Variants in RGS5 observed in about 807,000 individuals in gnomAD.
The protein encoded by RGS5 is regulator of G protein signaling 5.
Under a neutral mutation model 18.9 loss-of-function variants are expected in RGS5, and 20 were observed. That is an observed-to-expected ratio of 1.06 (90% CI 0.74 to 1.54). The LOEUF is 1.54. Ranked by LOEUF, RGS5 falls within the 40% of genes most tolerant of loss-of-function variation. The pLI is 0.00. For synonymous variants in RGS5, 57 were observed against 76.2 expected (o/e 0.75, Z 1.31); for missense variants, 201 against 211.8 (o/e 0.95, Z 0.32).
At chr1:163,301,279 G>T (rs546459168) in intron 2 of RGS5, among the ~76,000 whole-genome samples, 1 of 151,980 alleles carries the variant, frequency 6.6e-6, no homozygotes, top group East Asian at 1.9e-4. Context: ...AACTGAGATA[G>T]AGGAAAAAAT....
chr1:163,210,403 A>C (rs1571294361), intron 1 of RGS5, among the ~76,000 whole-genome samples: 1 of 152,214 alleles, frequency 6.6e-6, no homozygotes, highest in Non-Finnish European at 1.5e-5. Flanking sequence ...ATTCTTTTCA[A>C]TAACTGTTCT....
Position 163,272,993 on chromosome 1 carries a change from G to GT in RGS5, c.-281+33239dup, listed in dbSNP as rs1296906046. ...TGATTTCTTTTTTGAATCATGAGGG[G>GT]TTTTTTTCATAAGTATGTCATTTGA... On this transcript the variant is annotated intron_variant, in intron 2 of 5. Transcript: ENST00000618415. Among the ~76,000 whole-genome samples the GT allele has an allele frequency of 3.3e-5, 5 of 151,788 alleles. No individual in the cohort carries two copies. The South Asian group carries it at 8.3e-4, about 25-fold the overall frequency.
At chr1:163,159,309 G>A (rs909845749) in intron 3 of RGS5, among the ~76,000 whole-genome samples, 2 of 152,218 alleles carry the variant, frequency 1.3e-5, no homozygotes, top group Non-Finnish European at 2.9e-5. Flanking sequence ...AAAGGGTATT[G>A]ATTGGGGAAG....
At chr1:163,158,474 G>C (rs1199952428) in intron 3 of RGS5, among the ~76,000 whole-genome samples, 1 of 152,106 alleles carries the variant, frequency 6.6e-6, no homozygotes, top group Admixed American at 6.6e-5. Flanking sequence ...AGTGTCAGCT[G>C]GTCTGAGAAA....
At chr1:163,287,478 A>T (rs1452429107) in intron 2 of RGS5, among the ~76,000 whole-genome samples, 2 of 152,240 alleles carry the variant, frequency 1.3e-5, no homozygotes, top group Non-Finnish European at 2.9e-5. Flanking sequence ...AAGTAAATTT[A>T]TACACTGGCA....
chr1:163,295,130 C>T (rs920666098), intron 2 of RGS5, among the ~76,000 whole-genome samples: 48 of 152,166 alleles, frequency 3.2e-4, no homozygotes, highest in African/African-American at 1.1e-3. Context: ...CTCCAAACTC[C>T]TCCAATCTCT....
At chr1:163,176,365 T>C (rs993620447) in intron 1 of RGS5, among the ~76,000 whole-genome samples, 1 of 152,210 alleles carries the variant, frequency 6.6e-6, no homozygotes, top group Non-Finnish European at 1.5e-5. Flanking sequence ...CCCACGCCTG[T>C]AATCCCATCA....
At chr1:163,316,969 C>A (rs773157914) in intron 1 of RGS5, among the ~76,000 whole-genome samples, 14 of 152,126 alleles carry the variant, frequency 9.2e-5, no homozygotes, top group Non-Finnish European at 1.2e-4. Flanking sequence ...TAAGAACCAG[C>A]CCTGTATAAT....
chr1:163,312,473 G>C (rs1245900965), intron 1 of RGS5, among the ~76,000 whole-genome samples: 1 of 152,198 alleles, frequency 6.6e-6, no homozygotes, highest in Non-Finnish European at 1.5e-5. Context: ...AGAAGTGGTA[G>C]CTGAACTAAA....
chr1:163,294,671 C>T (rs1228811907), intron 2 of RGS5, among the ~76,000 whole-genome samples: 1 of 152,220 alleles, frequency 6.6e-6, no homozygotes, highest in Non-Finnish European at 1.5e-5. Flanking sequence ...TGAATTTCTC[C>T]CCAGAAAATG....
intron 2 of RGS5, chr1:163,162,861 A>T (rs991427510): frequency 6.6e-6 from 1 of 152,074 alleles, no homozygotes; most frequent in Admixed American, 6.6e-5. Context: ...CCCAGCTCGA[A>T]CTCTTGCATT....
intron 2 of RGS5, among the ~76,000 whole-genome samples, chr1:163,282,561 T>A (rs1246633556): frequency 6.6e-6 from 1 of 151,984 alleles, no homozygotes; most frequent in African/African-American, 2.4e-5. Context: ...TTTTTAAAAA[T>A]TAGCCAGGCA....
At chr1:163,202,708 T>C (rs959660571) in intron 1 of RGS5, 84 bp downstream of exon 1, 3 of 1,232,172 alleles carry the variant, frequency 2.4e-6, no homozygotes, top group Admixed American at 1.8e-5. Flanking sequence ...TAAACTACAA[T>C]ACCTCTGTTA....
intron 2 of RGS5, among the ~76,000 whole-genome samples, chr1:163,245,912 C>G (rs760943087): frequency 3.5e-4 from 54 of 152,300 alleles, no homozygotes; most frequent in Admixed American, 5.9e-4. Context: ...AAACAAGCAG[C>G]CATTTGTGAG....
Position 163,261,951 on chromosome 1 carries a change from G to T in RGS5, c.-281+44282C>A, listed in dbSNP as rs1033360495. 2.6e-5 allele frequency among the ~76,000 whole-genome samples: 4 copies of T among 151,936 alleles called. No homozygotes were observed. In the East Asian group the frequency reaches 7.7e-4, roughly 29 times the overall value. On this transcript the variant is annotated intron_variant, in intron 2 of 5. Coordinates refer to the RGS5 transcript ENST00000618415. The stretch of plus-strand genomic sequence containing the variant: ...CCCTCCTCAAGGTGGGATGATCTAG[G>T]CCTGTGTAACAAATTGGCATCTAGG...
intron 2 of RGS5, among the ~76,000 whole-genome samples, chr1:163,163,041 G>GC (rs202108099): frequency 0.019 from 544 of 28,862 alleles, 5 homozygotes; most frequent in African/African-American, 0.034. Context: ...TGATATTTCG[G>GC]GGGGGGGGGT....
chr1:163,240,271 A>C (rs1167233444), intron 2 of RGS5, among the ~76,000 whole-genome samples: 1 of 152,160 alleles, frequency 6.6e-6, no homozygotes, highest in African/African-American at 2.4e-5. Flanking sequence ...AATATTAACT[A>C]ATCAGCAGTT....
intron 2 of RGS5, among the ~76,000 whole-genome samples, chr1:163,251,242 A>G (rs1648100596): frequency 6.6e-6 from 1 of 152,166 alleles, no homozygotes; most frequent in Non-Finnish European, 1.5e-5. Context: ...TGTGAAGAAT[A>G]TTGGTTTCTC....
intron 2 of RGS5, among the ~76,000 whole-genome samples, chr1:163,245,706 A>T (rs540313718): frequency 6.6e-6 from 1 of 152,362 alleles, no homozygotes; most frequent in South Asian, 2.1e-4. Flanking sequence ...TAAAATGGGT[A>T]TAATAATACC....
Sources: allele counts gnomAD v4.1 joint callset (sites outside exome capture counted in the v4.1 genomes callset), GRCh38; gene constraint gnomAD v4.1.1; transcripts MANE v1.5; gene names NCBI Gene and HGNC (gene_info 2026-07-23, HGNC 2026-07-21).